Variants in TRPM1 observed in about 807,000 individuals in gnomAD.
The protein encoded by TRPM1 is transient receptor potential cation channel subfamily M member 1, also known as TRPM1-203 APA Isoform, Intron 10.
Under a neutral mutation model 149.4 loss-of-function variants are expected in TRPM1, and 113 were observed. That is an observed-to-expected ratio of 0.76 (90% confidence interval 0.65 to 0.88). The LOEUF (loss-of-function observed/expected upper bound fraction) is 0.88. Ranked by LOEUF, TRPM1 falls within the 40% of genes least tolerant of loss-of-function variation. The pLI is 0.00. For synonymous variants in TRPM1, 741 were observed against 759.5 expected (o/e 0.98, Z 0.40); for missense variants, 1,976 against 2,038.7 (o/e 0.97, Z 0.59).
In TRPM1 at chr15:31,063,120, G is replaced by A. The variant is rs567726421; in HGVS notation, c.963C>T (p.Gly321=). The A allele has an allele frequency of 2.5e-6, 4 of 1,614,020 alleles. No individual in the cohort carries two copies. The highest frequency in any genetic ancestry group is 1.3e-5 in the African/African-American group (1 of 74,908). The change falls in exon 8 of 28, where the codon GGC becomes GGT. Residue 321 remains glycine (G), a splice_region_variant and synonymous_variant. Transcript: ENST00000256552. ...TCCTCGCGCGTCAGAAATCCTACCC[G>A]CCTTCTTCACAGTACTTGTGCGCAA... ...LSFAHKYCEE[G]GIINESLREQ... is the part of the protein sequence containing the mutation.
At chr15:31,135,968 G>C (rs2036082834) in intron 1 of TRPM1, among the ~76,000 whole-genome samples, 1 of 152,136 alleles carries the variant, frequency 6.6e-6, no homozygotes, top group African/African-American at 2.4e-5. Context: ...AGACACCCTT[G>C]AAAAAGTAAG....
chr15:31,051,023 G>T (rs1005243388), intron 11 of TRPM1, among the ~76,000 whole-genome samples: 3 of 152,192 alleles, frequency 2.0e-5, no homozygotes, highest in Admixed American at 6.5e-5. Context: ...TGTGAAGGGG[G>T]TACAAGACAA....
At chr15:31,083,823 C>G (rs1278281403) in intron 1 of TRPM1, among the ~76,000 whole-genome samples, 1 of 152,206 alleles carries the variant, frequency 6.6e-6, no homozygotes, top group African/African-American at 2.4e-5. Context: ...GAGGGCCCAG[C>G]TGAGGGTCAC....
intron 16 of TRPM1, 109 bp from the exon 17 acceptor site, chr15:31,042,352 T>G: frequency 1.6e-5 from 18 of 1,125,948 alleles, no homozygotes; most frequent in South Asian, 8.3e-5. Flanking sequence ...ATAAAGAGAC[T>G]TCTGAAGTAC....
intron 3 of TRPM1, among the ~76,000 whole-genome samples, chr15:31,072,012 T>TAGAG (rs1267389114): frequency 1.7e-3 from 47 of 28,482 alleles, no homozygotes; most frequent in East Asian, 3.6e-3. Context: ...TATATATATA[T>TAGAG]ATATATAGAG....
intron 27 of TRPM1, among the ~76,000 whole-genome samples, chr15:31,025,201 G>A (rs2032682123): frequency 6.6e-6 from 1 of 152,194 alleles, no homozygotes; most frequent in Admixed American, 6.5e-5. Flanking sequence ...AGCTAGGCAT[G>A]GCTCCTCTGA....
At chr15:31,033,805 G>T (rs114103432) in intron 21 of TRPM1, among the ~76,000 whole-genome samples, 4 of 152,194 alleles carry the variant, frequency 2.6e-5, no homozygotes, top group Non-Finnish European at 5.9e-5. Context: ...AGGCCAGGAC[G>T]GCACAGCGAT....
intron 1 of TRPM1, among the ~76,000 whole-genome samples, chr15:31,088,665 G>C (rs572809484): frequency 6.6e-6 from 1 of 152,312 alleles, no homozygotes; most frequent in Non-Finnish European, 1.5e-5. Flanking sequence ...CACGGACTAG[G>C]ATGGGCATTT....
intron 5 of TRPM1, 95 bp downstream of exon 5, chr15:31,067,784 G>A (rs2140963451): frequency 1.6e-6 from 2 of 1,231,116 alleles, no homozygotes; most frequent in Admixed American, 1.7e-5. Context: ...GATGCAATAT[G>A]TTTTGTTGTC....
At chr15:31,070,322 CA>C (rs1261546134) in intron 3 of TRPM1, 96 bp from the exon 4 acceptor site, 1 of 1,196,600 alleles carries the variant, frequency 8.4e-7, no homozygotes, top group East Asian at 2.3e-5. Flanking sequence ...GAGTTGGGCC[CA>C]AACAGGAGCC....
chr15:31,102,467 G>A (rs1344483099), upstream of TRPM1, among the ~76,000 whole-genome samples: 2 of 152,214 alleles, frequency 1.3e-5, no homozygotes, highest in African/African-American at 2.4e-5. Context: ...TCCGCCTCCC[G>A]CTTCTCACAG....
chr15:31,135,649 G>A (rs981576917), intron 1 of TRPM1, among the ~76,000 whole-genome samples: 1 of 151,942 alleles, frequency 6.6e-6, no homozygotes, highest in Non-Finnish European at 1.5e-5. Context: ...GCGTCATGGG[G>A]GCAGGTCCCT....
chr15:31,101,779 G>A (rs1369111215), upstream of TRPM1: 4 of 950,686 alleles, frequency 4.2e-6, no homozygotes, highest in Non-Finnish European at 5.0e-6. Flanking sequence ...TGAGGAGCAT[G>A]TGAGCACTTG....
At position 31,073,862 on chromosome 15, in the gene TRPM1, T is replaced by C. The variant is rs144482173; in HGVS notation, c.83+3043A>G. Among the ~76,000 whole-genome samples, 23 of 152,212 alleles carry C rather than the reference T, an allele frequency of 1.5e-4. No individual in the cohort carries two copies. The East Asian group carries it at 4.4e-3, about 29-fold the overall frequency. ...TTCTTTATAGCTGTTCTTTATCGGG[T>C]TGAGGAAGTTCCCTTCTATTCCTGG... On this transcript the variant is annotated intron_variant, in intron 3 of 27. Transcript: ENST00000256552.
At chr15:31,150,193 T>C (rs1402821306) in intron 1 of TRPM1, among the ~76,000 whole-genome samples, 1 of 152,192 alleles carries the variant, frequency 6.6e-6, no homozygotes, top group Admixed American at 6.5e-5. Flanking sequence ...TAGGTGACTC[T>C]GGGTTAAAAG....
At chr15:31,082,331 C>T (rs1466567117) in intron 1 of TRPM1, among the ~76,000 whole-genome samples, 1 of 152,156 alleles carries the variant, frequency 6.6e-6, no homozygotes, top group African/African-American at 2.4e-5. Flanking sequence ...CTTGTCCCAG[C>T]TGGGAAGTCT....
At chr15:31,110,300 T>A (rs935250032) in intron 1 of TRPM1, among the ~76,000 whole-genome samples, 4 of 152,194 alleles carry the variant, frequency 2.6e-5, no homozygotes, top group Non-Finnish European at 5.9e-5. Context: ...TAGAGAATAA[T>A]TTAAAATCTT....
intron 23 of TRPM1, 62 bp downstream of exon 23, chr15:31,030,921 T>C: frequency 6.3e-7 from 1 of 1,583,850 alleles, no homozygotes; most frequent in Non-Finnish European, 8.7e-7. Context: ...TTCCATTAAT[T>C]TGGAACTGAT....
chr15:31,070,729 A>G (rs1040671397), intron 3 of TRPM1, among the ~76,000 whole-genome samples: 1 of 151,976 alleles, frequency 6.6e-6, no homozygotes, highest in Non-Finnish European at 1.5e-5. Context: ...TAGTTTTTAT[A>G]TTTTTAGTAG....
Sources: gnomAD v4.1 joint callset for allele counts (sites outside exome capture counted in the v4.1 genomes callset) on GRCh38, gnomAD v4.1.1 for gene constraint, MANE v1.5 for transcripts, NCBI Gene and HGNC (gene_info 2026-07-23, HGNC 2026-07-21) for gene names.